Variants in EFCAB6 observed in about 807,000 individuals in gnomAD.
The protein encoded by EFCAB6 is EF-hand calcium binding domain 6.
EFCAB6 carries 156 observed loss-of-function variants against 169.8 expected under a neutral mutation model. The observed-to-expected ratio is 0.92, with a 90% CI of 0.81 to 1.05. The LOEUF (loss-of-function observed/expected upper bound fraction) is 1.05. Among genes scored for constraint, EFCAB6 ranks in the 50% least tolerant of loss-of-function variants. The probability of loss-of-function intolerance (pLI) is 0.00; values close to 1 mark genes in which losing one functional copy is unlikely to be tolerated. For synonymous variants in EFCAB6, 698 were observed against 676.4 expected (o/e 1.03, Z -0.50); for missense variants, 1,800 against 1,829.1 (o/e 0.98, Z 0.29).
chr22:43,782,396 C>G, intron 2 of EFCAB6, 71 bp from the exon 3 acceptor site: 3 of 1,388,448 alleles, frequency 2.2e-6, no homozygotes, highest in Non-Finnish European at 3.0e-6. Flanking sequence ...AATTTCCTAT[C>G]TATTCCTTTT....
chr22:43,534,675 G>T lies in EFCAB6; in HGVS notation c.4233+13C>A, dbSNP rs764091538. The T allele has an allele frequency of 2.5e-6, 4 of 1,578,768 alleles. No individual in the cohort carries two copies. The East Asian group carries it at 9.1e-5, about 36-fold the overall frequency. Reference sequence around the variant, plus strand: ...CCACCTGGCCCCACATTTCCTGCAGGTGGGCAACATACCATCTTGTGTGCA... The same window carrying T: ...CCACCTGGCCCCACATTTCCTGCAGTTGGGCAACATACCATCTTGTGTGCA... On this transcript the variant is annotated intron_variant, in intron 30 of 31. Transcript: ENST00000262726.
At chr22:43,624,407 C>T (rs953381101) in intron 20 of EFCAB6, among the ~76,000 whole-genome samples, 6 of 152,164 alleles carry the variant, frequency 3.9e-5, no homozygotes, top group African/African-American at 1.2e-4. Context: ...TAGAAGGTGA[C>T]GTCCTTCACA....
rs142540691 is a variant in EFCAB6 at position 43,735,450 on chromosome 22, G to C, written c.644+407C>G. Among the ~76,000 whole-genome samples the C allele has an allele frequency of 4.7e-3, 711 of 150,976 alleles. 4 individuals are homozygous for C. The highest frequency in any genetic ancestry group is 0.014 in the Middle Eastern group (4 of 294). ...CCAACGGGGAGCACAGCAACAACAC[G>C]TGAATCCTGAAATTTGTCATTCTTC... On this transcript the variant is annotated intron_variant, in intron 7 of 31. Coordinates refer to ENST00000262726, the MANE Select transcript of EFCAB6 (RefSeq NM_022785.4).
intron 17 of EFCAB6, among the ~76,000 whole-genome samples, chr22:43,636,164 C>G (rs9614166): frequency 6.6e-6 from 1 of 152,140 alleles, no homozygotes. Flanking sequence ...GGAAGGCTTT[C>G]TAGGAGAACT....
intron 2 of EFCAB6, among the ~76,000 whole-genome samples, chr22:43,800,015 C>T (rs1300016310): frequency 6.6e-6 from 1 of 152,166 alleles, no homozygotes; most frequent in Non-Finnish European, 1.5e-5. Flanking sequence ...AAGGGAGAAA[C>T]ATCCCTGAGG....
At chr22:43,773,190 A>G (rs2061535140) in intron 3 of EFCAB6, 87 bp from the exon 4 acceptor site, 1 of 1,326,848 alleles carries the variant, frequency 7.5e-7, no homozygotes, top group Admixed American at 2.2e-5. Context: ...GGAACCAAGA[A>G]AACTTATTAG....
chr22:43,789,952 G>C (rs2062222568), intron 2 of EFCAB6, among the ~76,000 whole-genome samples: 2 of 151,838 alleles, frequency 1.3e-5, no homozygotes, highest in African/African-American at 4.8e-5. Flanking sequence ...AAAATAGATG[G>C]ATGTGGATGG....
chr22:43,697,232 C>T (rs572422173), intron 10 of EFCAB6, among the ~76,000 whole-genome samples: 1 of 152,156 alleles, frequency 6.6e-6, no homozygotes, highest in East Asian at 1.9e-4. Flanking sequence ...CTAACGTAAA[C>T]CTTAAAAATC....
chr22:43,753,616 A>C (rs1249330563), intron 6 of EFCAB6, among the ~76,000 whole-genome samples: 1 of 152,208 alleles, frequency 6.6e-6, no homozygotes, highest in Non-Finnish European at 1.5e-5. Flanking sequence ...ACTGGATAAG[A>C]GCATGAACAT....
intron 20 of EFCAB6, among the ~76,000 whole-genome samples, chr22:43,617,700 T>G (rs2053790067): frequency 1.3e-5 from 2 of 152,164 alleles, no homozygotes; most frequent in African/African-American, 4.8e-5. Context: ...GAATAGTCAC[T>G]ATGTGCTGCT....
intron 22 of EFCAB6, 125 bp downstream of exon 22, chr22:43,608,357 G>T: frequency 1.3e-6 from 1 of 763,948 alleles, no homozygotes. Flanking sequence ...TGAGACAGAT[G>T]CAACCAAGAG....
At chr22:43,683,064 G>A (rs2058066045) in intron 12 of EFCAB6, among the ~76,000 whole-genome samples, 1 of 152,124 alleles carries the variant, frequency 6.6e-6, no homozygotes, top group Non-Finnish European at 1.5e-5. Context: ...TGAGCTAAGG[G>A]ACACCTTTGG....
intron 5 of EFCAB6, among the ~76,000 whole-genome samples, chr22:43,761,712 T>TG (rs1355541449): frequency 1.3e-5 from 2 of 152,226 alleles, no homozygotes. Flanking sequence ...CCTCATTCTT[T>TG]GATAGTTCCA....
At chr22:43,658,036 C>T (rs2056828461) in intron 17 of EFCAB6, among the ~76,000 whole-genome samples, 1 of 152,006 alleles carries the variant, frequency 6.6e-6, no homozygotes. Context: ...TGAAACCACC[C>T]TGGCCAACAT....
At chr22:43,622,695 C>G (rs1157923733) in intron 20 of EFCAB6, among the ~76,000 whole-genome samples, 2 of 152,024 alleles carry the variant, frequency 1.3e-5, no homozygotes, top group African/African-American at 4.8e-5. Flanking sequence ...AATATATTAT[C>G]CTAAACAATA....
At chr22:43,647,473 C>T (rs1036703011) in intron 17 of EFCAB6, among the ~76,000 whole-genome samples, 3 of 152,192 alleles carry the variant, frequency 2.0e-5, no homozygotes. Context: ...CAATAGTGAA[C>T]AAAACAGCCA....
At chr22:43,786,947 G>GA (rs929831997) in intron 2 of EFCAB6, among the ~76,000 whole-genome samples, 2 of 151,000 alleles carry the variant, frequency 1.3e-5, no homozygotes, top group African/African-American at 2.4e-5. Flanking sequence ...ATTAATCAAG[G>GA]AAAAAAAACA....
At chr22:43,723,444 T>G (rs2059610464) in intron 8 of EFCAB6, among the ~76,000 whole-genome samples, 1 of 152,188 alleles carries the variant, frequency 6.6e-6, no homozygotes, top group Admixed American at 6.5e-5. Flanking sequence ...AAGTTGAATT[T>G]TTTTAAAAAA....
At chr22:43,552,752 T>G (rs1175022416) in intron 27 of EFCAB6, 1 of 152,220 alleles carries the variant, frequency 6.6e-6, no homozygotes, top group Non-Finnish European at 1.5e-5. Context: ...TATGTCAGCA[T>G]GTCATTAATT....
Sources: gnomAD v4.1 joint callset for allele counts (sites outside exome capture counted in the v4.1 genomes callset) on GRCh38, gnomAD v4.1.1 for gene constraint, MANE v1.5 for transcripts, NCBI Gene and HGNC (gene_info 2026-07-23, HGNC 2026-07-21) for gene names.